CDH9: variants seen among roughly 807,000 people sequenced by gnomAD.
CDH9 encodes the protein cadherin 9.
Under a neutral mutation model 70.9 loss-of-function variants are expected in CDH9, and 28 were observed. That is an observed-to-expected ratio of 0.40 (90% confidence interval 0.29 to 0.54). The LOEUF (loss-of-function observed/expected upper bound fraction) is 0.54. CDH9 is among the 20% of genes least tolerant of loss of function. The pLI, the probability that CDH9 is intolerant of heterozygous loss-of-function variation, is 0.59. For synonymous variants in CDH9, 409 were observed against 343.1 expected (o/e 1.19, Z -2.12); for missense variants, 874 against 984.4 (o/e 0.89, Z 1.50).
At chr5:27,001,703 A>C (rs899530032) in intron 1 of CDH9, among the ~76,000 whole-genome samples, 5 of 152,136 alleles carry the variant, frequency 3.3e-5, no homozygotes, top group Non-Finnish European at 5.9e-5. Context: ...CCTAGCTCTT[A>C]GTGTCTAATA....
intron 11 of CDH9, among the ~76,000 whole-genome samples, chr5:26,883,307 C>G (rs941356426): frequency 6.6e-6 from 1 of 151,242 alleles, no homozygotes; most frequent in African/African-American, 2.4e-5. Context: ...TTAAGGGTTT[C>G]TCAACTAATA....
chr5:26,941,898 G>T (rs540967469), intron 2 of CDH9, among the ~76,000 whole-genome samples: 115 of 152,268 alleles, frequency 7.6e-4, no homozygotes, highest in African/African-American at 2.7e-3. Flanking sequence ...TGAGAGCCTT[G>T]TTGCCATGGG....
chr5:27,001,608 A>T (rs775049378), intron 1 of CDH9, among the ~76,000 whole-genome samples: 15 of 152,132 alleles, frequency 9.9e-5, no homozygotes, highest in Non-Finnish European at 1.8e-4. Flanking sequence ...TACACAAGTT[A>T]GTATATACAC....
chr5:26,888,566 T>C (rs752710652), intron 9 of CDH9, among the ~76,000 whole-genome samples: 19 of 152,200 alleles, frequency 1.2e-4, no homozygotes, highest in South Asian at 2.1e-4. Flanking sequence ...TTTATCCAAA[T>C]AGCTATGTGA....
intron 1 of CDH9, among the ~76,000 whole-genome samples, chr5:27,034,089 A>G (rs995414137): frequency 4.6e-5 from 7 of 151,842 alleles, no homozygotes; most frequent in Middle Eastern, 3.4e-3. Context: ...AAGTATGTCG[A>G]CTGCAGCATA....
intron 2 of CDH9, among the ~76,000 whole-genome samples, chr5:26,935,073 G>T (rs1195340457): frequency 6.6e-6 from 1 of 152,130 alleles, no homozygotes; most frequent in Non-Finnish European, 1.5e-5. Flanking sequence ...ATGCAAGACT[G>T]ATTGAACACT....
rs117805476 is a variant in CDH9 at position 26,882,473 on chromosome 5, A to G, written c.1883-850T>C. Among the ~76,000 whole-genome samples the G allele has an allele frequency of 6.2e-4, 95 of 152,184 alleles. 1 individual carries two copies. The East Asian group carries it at 0.015, about 24-fold the overall frequency. On this transcript the variant is annotated intron_variant, in intron 11 of 11. Coordinates refer to ENST00000231021, the MANE Select transcript of CDH9 (RefSeq NM_016279.4). ...ATAATATATTTTCTTATTTCTCATTATAATACTGGGATTCAAATTATGTGT... is the reference window on the plus strand; with the variant it reads ...ATAATATATTTTCTTATTTCTCATTGTAATACTGGGATTCAAATTATGTGT...
rs576842633 is a variant in CDH9 at position 27,002,670 on chromosome 5, A to T, written c.-49-14288T>A. Reference sequence around the variant, plus strand: ...TCATTCTCAGCAAACTAACGCAAGGACAAAAAACCAAACACCGCATGTTCT... The same window carrying T: ...TCATTCTCAGCAAACTAACGCAAGGTCAAAAAACCAAACACCGCATGTTCT... On this transcript the variant is annotated intron_variant, in intron 1 of 11. Transcript: ENST00000231021. 2.6e-5 allele frequency among the ~76,000 whole-genome samples: 4 copies of T among 152,292 alleles called. No homozygotes were observed. In the South Asian group the frequency reaches 8.3e-4, roughly 32 times the overall value.
intron 2 of CDH9, among the ~76,000 whole-genome samples, chr5:26,940,320 C>G (rs937140688): frequency 6.6e-6 from 1 of 152,068 alleles, no homozygotes; most frequent in Non-Finnish European, 1.5e-5. Flanking sequence ...TTTTCAGAGG[C>G]TTTTAACTTG....
intron 7 of CDH9, among the ~76,000 whole-genome samples, chr5:26,898,619 T>C (rs1470775956): frequency 1.3e-5 from 2 of 152,190 alleles, no homozygotes; most frequent in African/African-American, 2.4e-5. Context: ...GCTAGCCATA[T>C]GCGGAAAACT....
chr5:26,901,104 G>C (rs976539811), intron 7 of CDH9, among the ~76,000 whole-genome samples: 2 of 151,820 alleles, frequency 1.3e-5, no homozygotes, highest in African/African-American at 4.8e-5. Flanking sequence ...TATTTCAAGA[G>C]TTTTACTTTA....
intron 7 of CDH9, among the ~76,000 whole-genome samples, chr5:26,891,475 C>T (rs1007441063): frequency 1.4e-4 from 22 of 151,998 alleles, no homozygotes; most frequent in African/African-American, 5.3e-4. Context: ...GTCAGGAGTT[C>T]GAGACCAGCC....
intron 7 of CDH9, 109 bp from the exon 8 acceptor site, chr5:26,890,673 G>A: frequency 1.4e-6 from 1 of 739,616 alleles, no homozygotes; most frequent in Non-Finnish European, 2.3e-6. Context: ...GACATGAAAT[G>A]CAAAATGCTA....
intron 1 of CDH9, among the ~76,000 whole-genome samples, chr5:26,989,548 C>T (rs966452436): frequency 1.0e-4 from 15 of 150,662 alleles, no homozygotes; most frequent in Admixed American, 6.6e-5. Context: ...CTCTCTCTTT[C>T]ATTTTCTCTT....
At chr5:26,973,460 A>C (rs1331004892) in intron 2 of CDH9, among the ~76,000 whole-genome samples, 1 of 152,004 alleles carries the variant, frequency 6.6e-6, no homozygotes, top group Admixed American at 6.6e-5. Flanking sequence ...TTTTTACAAA[A>C]GATGTTCCTT....
At chr5:26,997,719 T>G (rs2112101603) in intron 1 of CDH9, among the ~76,000 whole-genome samples, 1 of 151,830 alleles carries the variant, frequency 6.6e-6, no homozygotes. Flanking sequence ...TTTTTTTTTT[T>G]GAGATGGAAT....
Position 26,903,711 on chromosome 5 carries a change from C to T in CDH9, c.925G>A (p.Glu309Lys), listed in dbSNP as rs1427242154. Reference sequence around the variant, plus strand: ...TCGAACATGTCTGCACCATCTCCTTCAGCAATGCTATACTCCATTTCTGCA... The same window carrying T: ...TCGAACATGTCTGCACCATCTCCTTTAGCAATGCTATACTCCATTTCTGCA... ...ENAEMEYSIAEGDGADMFDVI... is the reference protein window; with the variant it reads ...ENAEMEYSIAKGDGADMFDVI... Residue 309 changes from glutamate to lysine, a missense_variant, in exon 6 of 12, where the codon GAA becomes AAA. Glu to Lys is a moderately conservative substitution (Grantham distance 56). Coordinates refer to ENST00000231021, the MANE Select transcript of CDH9 (RefSeq NM_016279.4). The T allele has an allele frequency of 6.2e-7, 1 of 1,608,340 alleles. No homozygotes were observed. Among genetic ancestry groups the T allele is most frequent in the Non-Finnish European group, 8.5e-7 (1 of 1,175,728 alleles).
chr5:26,947,531 A>T (rs555709972), intron 2 of CDH9, among the ~76,000 whole-genome samples: 1 of 152,316 alleles, frequency 6.6e-6, no homozygotes, highest in East Asian at 1.9e-4. Context: ...AGGAAGCTTT[A>T]TGTATAGCTT....
rs1742348378 is a variant in CDH9, at chr5:26,978,866, AAACT to A, written c.228+9236_228+9239del. The stretch of plus-strand genomic sequence containing the variant: ...CAATTTTAAGTGCTAAAAGGAAAAT[AAACT>A]GTCAGATTAATCCATGGTTCTATAT... On this transcript the variant is annotated intron_variant, in intron 2 of 11. Coordinates refer to ENST00000231021, the MANE Select transcript of CDH9 (RefSeq NM_016279.4). Among the ~76,000 whole-genome samples, 7 of 151,906 alleles carry A rather than the reference AAACT, an allele frequency of 4.6e-5. No individual in the cohort carries two copies. The South Asian group carries it at 1.4e-3, about 31-fold the overall frequency.
Sources: gnomAD v4.1 joint callset for allele counts (sites outside exome capture counted in the v4.1 genomes callset) on GRCh38, gnomAD v4.1.1 for gene constraint, MANE v1.5 for transcripts, NCBI Gene and HGNC (gene_info 2026-07-23, HGNC 2026-07-21) for gene names.